The following NAV3 variants were observed in gnomAD, a reference collection of about 807,000 sequenced individuals.
The protein encoded by NAV3 is neuron navigator 3, also known as pore membrane and/or filament interacting like protein 1.
In NAV3, 87 loss-of-function variants were observed where a neutral mutation model predicts 244.7. That is an observed-to-expected ratio of 0.36 (90% CI 0.30 to 0.42). The LOEUF is 0.42. Ranked by LOEUF, NAV3 falls within the 20% of genes least tolerant of loss-of-function variation. The pLI, the probability that NAV3 is intolerant of heterozygous loss-of-function variation, is 1.00. For synonymous variants in NAV3, 1,126 were observed against 1,042.2 expected (o/e 1.08, Z -1.55); for missense variants, 2,663 against 2,893.3 (o/e 0.92, Z 1.83).
chr12:77,676,067 G>A (rs1012547110), intron 2 of NAV3, among the ~76,000 whole-genome samples: 6 of 152,048 alleles, frequency 3.9e-5, no homozygotes, highest in Admixed American at 6.6e-5. Flanking sequence ...CAGCTTTGGA[G>A]TGCTAGCTTT....
At chr12:78,089,885 A>G (rs1953832740) in intron 12 of NAV3, among the ~76,000 whole-genome samples, 1 of 152,142 alleles carries the variant, frequency 6.6e-6, no homozygotes, top group Non-Finnish European at 1.5e-5. Flanking sequence ...CAGATGGGCT[A>G]ATATCCTAAA....
intron 2 of NAV3, among the ~76,000 whole-genome samples, chr12:77,809,641 G>C (rs922719838): frequency 1.3e-5 from 2 of 152,144 alleles, no homozygotes; most frequent in East Asian, 3.9e-4. Context: ...TACTTGATCT[G>C]TATTTTTAAC....
intron 2 of NAV3, among the ~76,000 whole-genome samples, chr12:77,767,582 G>A (rs1361673895): frequency 6.6e-6 from 1 of 152,214 alleles, no homozygotes; most frequent in Non-Finnish European, 1.5e-5. Flanking sequence ...ACTAGCCACT[G>A]TGGTGGGGCG....
intron 2 of NAV3, among the ~76,000 whole-genome samples, chr12:77,690,933 A>G (rs1378364194): frequency 6.6e-5 from 10 of 151,012 alleles, no homozygotes; most frequent in Non-Finnish European, 1.3e-4. Flanking sequence ...AAGGTCTTCA[A>G]AATGCCTCAA....
intron 2 of NAV3, among the ~76,000 whole-genome samples, chr12:77,578,171 T>C (rs1312184607): frequency 1.3e-5 from 2 of 152,192 alleles, no homozygotes; most frequent in African/African-American, 4.8e-5. Flanking sequence ...ACATATTTGA[T>C]TTTCTGAGTA....
At position 78,078,375 on chromosome 12, in the gene NAV3, C is replaced by CTTTTT. The variant is rs71088356; in HGVS notation, c.2636+19294_2636+19298dup. Among the ~76,000 whole-genome samples the CTTTTT allele has an allele frequency of 8.8e-5, 6 of 67,808 alleles. 2 individuals carry two copies. Among genetic ancestry groups the CTTTTT allele is most frequent in the East Asian group, 8.5e-4 (2 of 2,344 alleles). The allele number at this position is 67,808 out of a possible 152,430, so 44.5% of individuals were successfully genotyped here. ...AGAGTTGCATTTCACTCTTTCCACT[C>CTTTTT]TTTTTTTTTTTTTTTTTTTTTTTTT... On this transcript the variant is annotated intron_variant, in intron 12 of 39. Transcript: ENST00000397909.
Position 78,051,052 on chromosome 12 carries a change from T to C in NAV3, c.2421T>C (p.Ser807=), listed in dbSNP as rs538231348. The change falls in exon 11 of 40, where the codon AGT becomes AGC. Residue 807 remains serine (S), a synonymous_variant. Coordinates refer to ENST00000397909, the MANE Select transcript of NAV3 (RefSeq NM_001024383.2). ...TTGACATGAGTGAGAAAGCAAGCAG[T>C]GACCTGGACATGTCTTCTGAGGTCG... is the stretch of plus-strand genomic sequence containing the variant. ...SQIDMSEKAS[S]DLDMSSEVDV... is the part of the protein sequence containing the mutation. 17 of 1,614,162 alleles carry C rather than the reference T, an allele frequency of 1.1e-5. No individual in the cohort carries two copies. In the African/African-American group the frequency reaches 1.5e-4, roughly 14 times the overall value.
intron 2 of NAV3, among the ~76,000 whole-genome samples, chr12:77,644,009 C>T (rs1017199754): frequency 2.0e-5 from 3 of 151,894 alleles, no homozygotes; most frequent in Non-Finnish European, 4.4e-5. Context: ...AATTTGGTAC[C>T]ATGTAGACAA....
intron 12 of NAV3, among the ~76,000 whole-genome samples, chr12:78,107,631 A>G (rs9804839): frequency 0.013 from 1,986 of 152,242 alleles, 56 homozygotes; most frequent in African/African-American, 0.045. Context: ...ATCAGCCTTA[A>G]ATACTATAGC....
intron 2 of NAV3, among the ~76,000 whole-genome samples, chr12:77,658,585 C>T (rs1873250525): frequency 6.6e-6 from 1 of 151,996 alleles, no homozygotes; most frequent in Non-Finnish European, 1.5e-5. Flanking sequence ...CAATGACTTT[C>T]TTCACAGAAT....
chr12:78,106,596 C>T (rs147152921), intron 12 of NAV3, among the ~76,000 whole-genome samples: 10 of 152,194 alleles, frequency 6.6e-5, no homozygotes, highest in Admixed American at 6.5e-4. Flanking sequence ...AAGGCAGTCA[C>T]TGCCAACACC....
intron 12 of NAV3, among the ~76,000 whole-genome samples, chr12:78,109,514 A>G (rs1428742474): frequency 6.6e-6 from 1 of 152,050 alleles, no homozygotes; most frequent in Non-Finnish European, 1.5e-5. Context: ...CTACAGGCCA[A>G]TAACCATGAT....
intron 2 of NAV3, among the ~76,000 whole-genome samples, chr12:77,574,894 T>C (rs938232480): frequency 2.0e-5 from 3 of 151,988 alleles, no homozygotes; most frequent in South Asian, 2.1e-4. Flanking sequence ...TGGTCATTCA[T>C]AGGGTGCTTA....
chr12:78,089,086 G>A (rs1335937740), intron 12 of NAV3, among the ~76,000 whole-genome samples: 1 of 152,046 alleles, frequency 6.6e-6, no homozygotes, highest in Non-Finnish European at 1.5e-5. Flanking sequence ...CACTGTCTTT[G>A]CAAATATCGC....
chr12:77,993,828 G>T (rs1340946197), intron 5 of NAV3, among the ~76,000 whole-genome samples: 4 of 151,972 alleles, frequency 2.6e-5, no homozygotes, highest in South Asian at 4.1e-4. Context: ...TGAAAACTGT[G>T]CATGCACAGC....
chr12:78,004,963 T>G (rs1873944778), intron 7 of NAV3, among the ~76,000 whole-genome samples: 1 of 152,236 alleles, frequency 6.6e-6, no homozygotes, highest in Non-Finnish European at 1.5e-5. Context: ...ATTCCTCTTC[T>G]GTACTTGAAC....
chr12:78,198,732 G>A (rs1959262929), intron 36 of NAV3, 56 bp downstream of exon 36: 7 of 544,722 alleles, frequency 1.3e-5, no homozygotes, highest in East Asian at 5.4e-5. Context: ...GTTGGGGGGG[G>A]CAGGGGAGGG....
intron 2 of NAV3, among the ~76,000 whole-genome samples, chr12:77,738,983 G>C (rs1868276911): frequency 8.4e-6 from 1 of 118,378 alleles, no homozygotes. Flanking sequence ...CTGCACTCCA[G>C]CATGGGCGAC....
intron 1 of NAV3, among the ~76,000 whole-genome samples, chr12:77,856,196 G>A (rs1328954199): frequency 6.6e-6 from 1 of 152,110 alleles, no homozygotes; most frequent in Non-Finnish European, 1.5e-5. Flanking sequence ...TTCATTTCCT[G>A]CTGTTTGTTC....
Sources: allele counts gnomAD v4.1 joint callset (sites outside exome capture counted in the v4.1 genomes callset), GRCh38; gene constraint gnomAD v4.1.1; transcripts MANE v1.5; gene names NCBI Gene and HGNC (gene_info 2026-07-23, HGNC 2026-07-21).